BNIP3: variants seen among roughly 807,000 people sequenced by gnomAD.
The protein encoded by BNIP3 is BCL2 interacting protein 3.
A neutral mutation model predicts 23.9 loss-of-function variants in BNIP3; 16 were observed. The observed-to-expected ratio is 0.67, with a 90% CI of 0.45 to 1.01. The LOEUF is 1.01. BNIP3 is among the 50% of genes least tolerant of loss of function. The probability of loss-of-function intolerance (pLI) is 0.00; values close to 1 mark genes in which losing one functional copy is unlikely to be tolerated. For missense variants in BNIP3, 198 were observed against 248.7 expected, an observed-to-expected ratio of 0.80 and a Z score of 1.37; for synonymous variants, 81 against 89.3, an observed-to-expected ratio of 0.91 and a Z score of 0.53.
Position 131,978,173 on chromosome 10 carries a change from C to G in BNIP3, c.46+3588G>C, listed in dbSNP as rs189044000. Among the ~76,000 whole-genome samples, 13 of 152,158 alleles carry G rather than the reference C, an allele frequency of 8.5e-5. No individual in the cohort carries two copies. The East Asian group carries it at 1.7e-3, about 20-fold the overall frequency. ...TTCGCGTCCCTCTCATGTTCCTCCCCCTCCTCACTCACTTATAATTTACAT... is the reference window on the plus strand; with the variant it reads ...TTCGCGTCCCTCTCATGTTCCTCCCGCTCCTCACTCACTTATAATTTACAT... On this transcript the variant is annotated intron_variant, in intron 1 of 5. Coordinates refer to ENST00000368636, the MANE Select transcript of BNIP3 (RefSeq NM_004052.4).
At chr10:131,973,386 C>A in intron 2 of BNIP3, 1 of 498,426 alleles carries the variant, frequency 2.0e-6, no homozygotes, top group Non-Finnish European at 3.6e-6. Flanking sequence ...GCCGCCTTCA[C>A]GGTCTGGGTC....
Position 131,973,500 on chromosome 10 carries a change from C to T in BNIP3, c.197+293G>A. ...AACCAGGGACCGCTCCTCCTGCGACCACAGCCCCGCTGAGGCGCGTGAGTG... is the reference window on the plus strand; with the variant it reads ...AACCAGGGACCGCTCCTCCTGCGACTACAGCCCCGCTGAGGCGCGTGAGTG... On this transcript the variant is annotated intron_variant, in intron 2 of 5. Coordinates refer to ENST00000368636, the MANE Select transcript of BNIP3 (RefSeq NM_004052.4). The T allele has an allele frequency of 6.1e-6, 3 of 494,412 alleles. No individual in the cohort carries two copies. In the South Asian group the frequency reaches 8.0e-5, roughly 13 times the overall value. 30.6% of individuals were successfully genotyped at this position (494,412 alleles called of 1,614,324 possible).
chr10:131,977,257 G>T (rs541083295), intron 1 of BNIP3, among the ~76,000 whole-genome samples: 1 of 151,966 alleles, frequency 6.6e-6, no homozygotes, highest in Admixed American at 6.6e-5. Context: ...CAACAATAGC[G>T]AAACTCTGTG....
rs899095067 is a variant in BNIP3, at chr10:131,973,854, T to A, written c.136A>T (p.Ile46Leu). 1 of 1,612,746 alleles carries A rather than the reference T, an allele frequency of 6.2e-7. No homozygotes were observed. Among genetic ancestry groups the A allele is most frequent in the Non-Finnish European group, 8.5e-7 (1 of 1,180,040 alleles). Residue 46 changes from isoleucine to leucine, a missense_variant, in exon 2 of 6, where the codon ATA becomes TTA. Physicochemically the swap from Ile to Leu is conservative, Grantham distance 5. Coordinates refer to ENST00000368636, the MANE Select transcript of BNIP3 (RefSeq NM_004052.4). ...VSIYNGDMEK[I>L]LLDAQHESGR... The stretch of plus-strand genomic sequence containing the variant: ...GACTCATGCTGTGCGTCCAGCAGTA[T>A]TTTTTCCATGTCTCCATTATAAATA...
At position 131,981,871 on chromosome 10, in the gene BNIP3, G is replaced by A; in HGVS notation, c.-65C>T. Reference sequence around the variant, plus strand: ...GGCTGCGGGATGTGCTTCAGCTGCGGGCGGTGGGAAAGCGGAGGTCGGAGC... The same window carrying A: ...GGCTGCGGGATGTGCTTCAGCTGCGAGCGGTGGGAAAGCGGAGGTCGGAGC... On this transcript the variant is annotated 5_prime_UTR_variant, in exon 1 of 6. Transcript: ENST00000368636. 7.2e-7 allele frequency: 1 copy of A among 1,384,300 alleles called. No individual in the cohort carries two copies. The highest frequency in any genetic ancestry group is 9.3e-7 in the Non-Finnish European group (1 of 1,073,410). 85.8% of individuals were successfully genotyped at this position (1,384,300 alleles called of 1,614,324 possible).
chr10:131,977,434 G>A (rs1278556258), intron 1 of BNIP3, among the ~76,000 whole-genome samples: 1 of 152,214 alleles, frequency 6.6e-6, no homozygotes, highest in Non-Finnish European at 1.5e-5. Flanking sequence ...GTGTATCTCT[G>A]TCATCCTCTG....
At chr10:131,979,555 A>G (rs987558907) in intron 1 of BNIP3, among the ~76,000 whole-genome samples, 7 of 151,932 alleles carry the variant, frequency 4.6e-5, no homozygotes, top group African/African-American at 1.7e-4. Context: ...ACAGAATCCT[A>G]CCTCTCCTGC....
At chr10:131,980,961 C>G (rs1480686126) in intron 1 of BNIP3, 1 of 152,182 alleles carries the variant, frequency 6.6e-6, no homozygotes, top group African/African-American at 2.4e-5. Context: ...GCGGACCCAC[C>G]GGGTGGGGTG....
intron 3 of BNIP3, among the ~76,000 whole-genome samples, chr10:131,972,476 C>T (rs1225209347): frequency 1.3e-5 from 2 of 152,210 alleles, no homozygotes; most frequent in East Asian, 3.8e-4. Flanking sequence ...CCAGTTAGCT[C>T]AGGACTAATG....
chr10:131,973,674 G>A (rs779313875), intron 2 of BNIP3, 119 bp downstream of exon 2: 32 of 1,410,878 alleles, frequency 2.3e-5, no homozygotes, highest in African/African-American at 4.3e-5. Flanking sequence ...AGTCCAGAAC[G>A]CGGCCCGAGG....
intron 1 of BNIP3, among the ~76,000 whole-genome samples, chr10:131,975,383 G>C (rs2133694141): frequency 6.6e-6 from 1 of 152,358 alleles, no homozygotes; most frequent in Admixed American, 6.5e-5. Flanking sequence ...ATGGAGTGCA[G>C]TGGGAGGAAA....
At position 131,976,493 on chromosome 10, in the gene BNIP3, C is replaced by A. The variant is rs1054262594; in HGVS notation, c.47-2550G>T. ...CTGCCTCAGGTTCAGTAATTTACTA[C>A]AATTCACAGAACTCAGAAAAACTCT... On this transcript the variant is annotated intron_variant, in intron 1 of 5. Coordinates refer to ENST00000368636, the MANE Select transcript of BNIP3 (RefSeq NM_004052.4). This position sits in a 1 kb window ranked among gnomAD's most constrained non-coding sequence, Gnocchi z 4.3. Among the ~76,000 whole-genome samples the A allele has an allele frequency of 1.3e-5, 2 of 152,208 alleles. No homozygotes were observed. Among genetic ancestry groups the A allele is most frequent in the African/African-American group, 2.4e-5 (1 of 41,448 alleles).
At chr10:131,977,073 G>C (rs2037083131) in intron 1 of BNIP3, among the ~76,000 whole-genome samples, 1 of 152,162 alleles carries the variant, frequency 6.6e-6, no homozygotes, top group African/African-American at 2.4e-5. Flanking sequence ...AGGAGTCAGA[G>C]ACCAGCCTGA....
At chr10:131,973,007 C>T (rs771491189) in intron 3 of BNIP3, 27 bp downstream of exon 3, 4 of 1,593,366 alleles carry the variant, frequency 2.5e-6, no homozygotes, top group Admixed American at 3.3e-5. Context: ...AATACTTTTA[C>T]AACTGCACAT....
Position 131,968,187 on chromosome 10 carries a change from T to A in BNIP3, c.*337A>T, listed in dbSNP as rs181717360. 34 of 175,194 alleles carry A rather than the reference T, an allele frequency of 1.9e-4. No homozygotes were observed. The South Asian group carries it at 2.0e-3, about 10-fold the overall frequency. 10.9% of individuals were successfully genotyped at this position (175,194 alleles called of 1,614,324 possible). A position where few individuals can be genotyped will look rare whatever the true frequency, so the allele number is the denominator to read the frequency against. On this transcript the variant is annotated 3_prime_UTR_variant, in exon 6 of 6. Coordinates refer to ENST00000368636, the MANE Select transcript of BNIP3 (RefSeq NM_004052.4). ...ATAAAGTACTTCAGCTGAATTAAGG[T>A]TGCAGATAATTTTTAAAATACAACA...
rs1404116632 is a variant in BNIP3 at position 131,970,504 on chromosome 10, G to A, written c.539+134C>T. On this transcript the variant is annotated intron_variant, in intron 5 of 5. Transcript: ENST00000368636. This position sits in a 1 kb window ranked among gnomAD's most constrained non-coding sequence, Gnocchi z 4.1. ...GTTTCTGGACCTGAACAGTGACTAC[G>A]TGGGTGTTTGTGAAAATGCACCAAG... 24 of 1,283,596 alleles carry A rather than the reference G, an allele frequency of 1.9e-5. No individual in the cohort carries two copies. In the East Asian group the frequency reaches 2.0e-4, roughly 11 times the overall value. The allele number at this position is 1,283,596 out of a possible 1,614,324, so 79.5% of individuals were successfully genotyped here.
chr10:131,968,265 T>C lies in BNIP3; in HGVS notation c.*259A>G. 1 of 309,808 alleles carries C rather than the reference T, an allele frequency of 3.2e-6. No individual in the cohort carries two copies. The highest frequency in any genetic ancestry group is 6.0e-6 in the Non-Finnish European group (1 of 166,738). The allele number at this position is 309,808 out of a possible 1,614,324, so 19.2% of individuals were successfully genotyped here. A position where few individuals can be genotyped will look rare whatever the true frequency, so the allele number is the denominator to read the frequency against. On this transcript the variant is annotated 3_prime_UTR_variant, in exon 6 of 6. Coordinates refer to ENST00000368636, the MANE Select transcript of BNIP3 (RefSeq NM_004052.4). ...TTTATATTCAGATATTTATATCTAA[T>C]ATCAAATGAAAATTTACTACCAAAT...
intron 1 of BNIP3, among the ~76,000 whole-genome samples, chr10:131,977,448 T>C (rs761966589): frequency 6.6e-6 from 1 of 152,234 alleles, no homozygotes; most frequent in Non-Finnish European, 1.5e-5. Context: ...TCCTCTGCGC[T>C]ACTGCAACAG....
intron 1 of BNIP3, among the ~76,000 whole-genome samples, chr10:131,978,299 A>G (rs998755360): frequency 2.0e-5 from 3 of 152,104 alleles, no homozygotes; most frequent in African/African-American, 7.2e-5. Flanking sequence ...TCACAGTACA[A>G]AAAGAAAACT....
Sources: allele counts gnomAD v4.1 joint callset (sites outside exome capture counted in the v4.1 genomes callset), GRCh38; gene constraint gnomAD v4.1.1; non-coding constraint Gnocchi (gnomAD v3.1); transcripts MANE v1.5; gene names NCBI Gene and HGNC (gene_info 2026-07-23, HGNC 2026-07-21).